The following SDK1 variants were observed in gnomAD, a reference collection of about 807,000 sequenced individuals.
The protein encoded by SDK1 is protein sidekick-1.
SDK1 carries 157 observed loss-of-function variants against 245.5 expected under a neutral mutation model. That is an observed-to-expected ratio of 0.64 (90% CI 0.56 to 0.73). The LOEUF is 0.73. Ranked by LOEUF, SDK1 falls within the 30% of genes least tolerant of loss-of-function variation. SDK1 has a pLI of 0.00. For missense variants in SDK1, 3,583 were observed against 3,002.3 expected (o/e 1.19, Z -4.52); for synonymous variants, 1,647 against 1,278.5 (o/e 1.29, Z -6.15).
intron 44 of SDK1, among the ~76,000 whole-genome samples, chr7:4,259,330 G>A (rs1488899049): frequency 1.3e-5 from 2 of 152,176 alleles, no homozygotes; most frequent in African/African-American, 4.8e-5. Flanking sequence ...TCCCAGATAG[G>A]AGGCTGAGGC....
At chr7:4,021,134 G>A (rs1242463223) in intron 17 of SDK1, among the ~76,000 whole-genome samples, 3 of 152,190 alleles carry the variant, frequency 2.0e-5, no homozygotes, top group East Asian at 1.9e-4. Context: ...CCCTGACCCC[G>A]AGGGTAGGGA....
intron 28 of SDK1, among the ~76,000 whole-genome samples, chr7:4,133,609 C>A (rs143721743): frequency 6.6e-4 from 101 of 152,302 alleles, no homozygotes; most frequent in African/African-American, 2.4e-3. Flanking sequence ...GTCCACTCAG[C>A]CAAGACCGAA....
chr7:4,020,768 A>G (rs1236900401), intron 17 of SDK1, among the ~76,000 whole-genome samples: 2 of 152,102 alleles, frequency 1.3e-5, no homozygotes, highest in Admixed American at 6.5e-5. Flanking sequence ...CATATTTACT[A>G]CTAATGTGCC....
chr7:3,446,515 C>T (rs2128590250), intron 1 of SDK1, among the ~76,000 whole-genome samples: 1 of 152,252 alleles, frequency 6.6e-6, no homozygotes, highest in Non-Finnish European at 1.5e-5. Flanking sequence ...CTTAAAAAGA[C>T]ACTGTGTAAG....
chr7:3,443,872 T>G (rs10254665), intron 1 of SDK1, among the ~76,000 whole-genome samples: 62,998 of 152,158 alleles, frequency 0.41, 14,467 homozygotes, highest in Admixed American at 0.51. Flanking sequence ...TTATTTCAAG[T>G]TCAGCTAAAC....
chr7:3,461,530 T>G (rs183727645), intron 1 of SDK1, among the ~76,000 whole-genome samples: 8 of 152,318 alleles, frequency 5.3e-5, no homozygotes, highest in Non-Finnish European at 1.2e-4. Context: ...ACAGTTGCTG[T>G]GGAGTGGCGT....
At chr7:3,620,760 C>T (rs189322002) in intron 2 of SDK1, among the ~76,000 whole-genome samples, 9 of 152,086 alleles carry the variant, frequency 5.9e-5, no homozygotes, top group Admixed American at 5.9e-4. Flanking sequence ...ATGGACACTC[C>T]CTGGTTCTCC....
intron 1 of SDK1, among the ~76,000 whole-genome samples, chr7:3,409,968 G>C (rs1166840440): frequency 2.0e-5 from 3 of 152,284 alleles, no homozygotes; most frequent in Non-Finnish European, 2.9e-5. Context: ...ACTAGCTACA[G>C]TGATAAGTGC....
intron 1 of SDK1, among the ~76,000 whole-genome samples, chr7:3,482,500 G>A (rs1418159447): frequency 2.0e-5 from 3 of 152,164 alleles, no homozygotes; most frequent in Admixed American, 2.0e-4. Flanking sequence ...AATGTAAAAG[G>A]TGAATGAGAA....
chr7:3,780,987 A>C (rs1780717032), intron 4 of SDK1, among the ~76,000 whole-genome samples: 1 of 152,054 alleles, frequency 6.6e-6, no homozygotes, highest in African/African-American at 2.4e-5. Flanking sequence ...GGAGACTCCC[A>C]CCTTCATGGA....
At chr7:3,592,381 A>T (rs977547126) in intron 1 of SDK1, among the ~76,000 whole-genome samples, 4 of 152,170 alleles carry the variant, frequency 2.6e-5, no homozygotes, top group Non-Finnish European at 5.9e-5. Flanking sequence ...ATCCCTGCAA[A>T]ATGCAAGGAT....
intron 5 of SDK1, among the ~76,000 whole-genome samples, chr7:3,931,168 C>T (rs12701296): frequency 0.25 from 38,452 of 152,096 alleles, 5,203 homozygotes; most frequent in Middle Eastern, 0.38. Context: ...ACCCCATGGA[C>T]GAGCAGATCA....
chr7:3,926,842 A>G (rs1779789361), intron 5 of SDK1, among the ~76,000 whole-genome samples: 1 of 152,244 alleles, frequency 6.6e-6, no homozygotes, highest in Non-Finnish European at 1.5e-5. Flanking sequence ...CCCAGGCCAC[A>G]TCAGGCTTCT....
At chr7:3,307,711 A>G (rs569900395) in intron 1 of SDK1, among the ~76,000 whole-genome samples, 1 of 152,308 alleles carries the variant, frequency 6.6e-6, no homozygotes, top group East Asian at 1.9e-4. Flanking sequence ...GGATATAGTA[A>G]ATGGAAAAGA....
At chr7:3,770,067 G>C (rs1583395788) in intron 4 of SDK1, among the ~76,000 whole-genome samples, 1 of 151,818 alleles carries the variant, frequency 6.6e-6, no homozygotes, top group Admixed American at 6.6e-5. Flanking sequence ...AGGAGTGAGG[G>C]AGATGAGACA....
At chr7:3,502,354 A>C (rs1295414464) in intron 1 of SDK1, among the ~76,000 whole-genome samples, 1 of 152,112 alleles carries the variant, frequency 6.6e-6, no homozygotes, top group African/African-American at 2.4e-5. Flanking sequence ...GGTTCAAGCT[A>C]TTCTCTTGCC....
At chr7:3,986,391 T>G (rs535578247) in intron 13 of SDK1, among the ~76,000 whole-genome samples, 1 of 152,280 alleles carries the variant, frequency 6.6e-6, no homozygotes, top group South Asian at 2.1e-4. Context: ...TGTCAATAAA[T>G]GCGGCAACTG....
intron 5 of SDK1, among the ~76,000 whole-genome samples, chr7:3,926,299 T>C (rs1208887042): frequency 6.6e-6 from 1 of 152,142 alleles, no homozygotes; most frequent in African/African-American, 2.4e-5. Context: ...GCAATGAAAA[T>C]GACAATCTGC....
chr7:4,117,652 G>A (rs1716024270), intron 25 of SDK1, among the ~76,000 whole-genome samples: 1 of 152,148 alleles, frequency 6.6e-6, no homozygotes, highest in South Asian at 2.1e-4. Context: ...AGGACCTGGG[G>A]TAAGGAGTCT....
Sources: allele counts gnomAD v4.1 joint callset (sites outside exome capture counted in the v4.1 genomes callset), GRCh38; gene constraint gnomAD v4.1.1; transcripts MANE v1.5; gene names NCBI Gene and HGNC (gene_info 2026-07-23, HGNC 2026-07-21).